Variants in ANKS1B observed in about 807,000 individuals in gnomAD.
ANKS1B encodes ankyrin repeat and sterile alpha motif domain containing 1B, also known as ankyrin repeat and sterile alpha motif domain-containing protein 1B.
A neutral mutation model predicts 148.3 loss-of-function variants in ANKS1B; 36 were observed. The observed-to-expected ratio is 0.24, with a 90% CI of 0.19 to 0.32. The LOEUF (loss-of-function observed/expected upper bound fraction) is 0.32. Ranked by LOEUF, ANKS1B falls within the 10% of genes least tolerant of loss-of-function variation. The pLI is 1.00. For synonymous variants in ANKS1B, 542 were observed against 560.8 expected, an observed-to-expected ratio of 0.97 and a Z score of 0.47; for missense variants, 1,157 against 1,542.6, an observed-to-expected ratio of 0.75 and a Z score of 4.19.
chr12:99,352,992 A>G (rs2091591429), intron 12 of ANKS1B, among the ~76,000 whole-genome samples: 1 of 152,028 alleles, frequency 6.6e-6, no homozygotes, highest in South Asian at 2.1e-4. Flanking sequence ...TTCAAATTGT[A>G]ATTAGACTCT....
At chr12:99,059,804 T>TATATATATATATATATATGA (rs1166735066) in intron 16 of ANKS1B, among the ~76,000 whole-genome samples, 19 of 146,774 alleles carry the variant, frequency 1.3e-4, no homozygotes, top group African/African-American at 4.3e-4. Context: ...TATATATATA[T>TATATATATATATATATATGA]ATGATAGGAC....
chr12:99,551,524 AGAGGAGAGGGGAGGG>A (rs1385642868), intron 9 of ANKS1B, among the ~76,000 whole-genome samples: 11 of 80,722 alleles, frequency 1.4e-4, no homozygotes, highest in African/African-American at 4.6e-4. Context: ...GAAGGAAAGG[AGAGGAGAGGGGAGGG>A]GAGGGGAGGG....
intron 4 of ANKS1B, among the ~76,000 whole-genome samples, chr12:99,798,451 TAAC>T (rs2066531405): frequency 6.9e-6 from 1 of 144,942 alleles, no homozygotes; most frequent in South Asian, 2.2e-4. Flanking sequence ...AAACAAAAGA[TAAC>T]AACTCAACTT....
At chr12:99,660,653 G>A (rs760155679) in intron 8 of ANKS1B, among the ~76,000 whole-genome samples, 9 of 152,078 alleles carry the variant, frequency 5.9e-5, no homozygotes, top group Non-Finnish European at 1.0e-4. Flanking sequence ...ATGGGCCACC[G>A]TGCCTGGCCT....
intron 17 of ANKS1B, among the ~76,000 whole-genome samples, chr12:99,040,705 T>G (rs1182008684): frequency 6.6e-6 from 1 of 152,190 alleles, no homozygotes. Context: ...GGATATATGA[T>G]GTATATATGA....
At chr12:99,721,470 T>C (rs923862383) in intron 8 of ANKS1B, among the ~76,000 whole-genome samples, 4 of 152,128 alleles carry the variant, frequency 2.6e-5, no homozygotes, top group Admixed American at 1.3e-4. Flanking sequence ...ACTGATGACA[T>C]TGTCTTGTGA....
chr12:99,009,010 A>G (rs1190171498), intron 17 of ANKS1B, among the ~76,000 whole-genome samples: 1 of 152,196 alleles, frequency 6.6e-6, no homozygotes, highest in Non-Finnish European at 1.5e-5. Flanking sequence ...ATGGGCTAGG[A>G]ATACCATTAG....
intron 9 of ANKS1B, among the ~76,000 whole-genome samples, chr12:99,609,897 T>C (rs1010254876): frequency 6.6e-5 from 10 of 152,102 alleles, no homozygotes; most frequent in African/African-American, 2.4e-4. Context: ...CCAGGCATTA[T>C]AGACAGAGAC....
intron 12 of ANKS1B, among the ~76,000 whole-genome samples, chr12:99,313,330 C>T (rs1229849203): frequency 6.6e-6 from 1 of 152,114 alleles, no homozygotes; most frequent in Non-Finnish European, 1.5e-5. Flanking sequence ...CTGAATTCTA[C>T]CAGAAGTACA....
chr12:99,532,798 G>A (rs750562804), intron 9 of ANKS1B, among the ~76,000 whole-genome samples: 1 of 152,158 alleles, frequency 6.6e-6, no homozygotes, highest in Non-Finnish European at 1.5e-5. Flanking sequence ...CCCAGTGCAT[G>A]TTTTTGTCTG....
Position 99,406,662 on chromosome 12 carries a change from T to C in ANKS1B, c.1576-6851A>G, listed in dbSNP as rs181237392. On this transcript the variant is annotated intron_variant, in intron 11 of 26. Transcript: ENST00000683438. ...CCCAAAGTTAGAAGAAAAGAAATAA[T>C]AAAGATCAGAGCAGAAATAGATAAA... Among the ~76,000 whole-genome samples, 76 of 144,636 alleles carry C rather than the reference T, an allele frequency of 5.3e-4. No homozygotes were observed. In the East Asian group the frequency reaches 0.013, roughly 24 times the overall value. The allele number at this position is 144,636 out of a possible 152,430, so 94.9% of individuals were successfully genotyped here. A position where few individuals can be genotyped will look rare whatever the true frequency, so the allele number is the denominator to read the frequency against.
intron 17 of ANKS1B, among the ~76,000 whole-genome samples, chr12:99,004,705 A>T (rs1331401316): frequency 6.6e-6 from 1 of 152,108 alleles, no homozygotes; most frequent in Non-Finnish European, 1.5e-5. Flanking sequence ...TCCCATGGTG[A>T]ATGGTCAATG....
intron 10 of ANKS1B, among the ~76,000 whole-genome samples, chr12:99,498,771 C>G: frequency 6.6e-6 from 1 of 152,084 alleles, no homozygotes; most frequent in East Asian, 1.9e-4. Flanking sequence ...CTCTAAAAGA[C>G]TCGTGTGCAT....
At chr12:99,752,853 C>T (rs1282246418) in intron 8 of ANKS1B, among the ~76,000 whole-genome samples, 1 of 151,906 alleles carries the variant, frequency 6.6e-6, no homozygotes, top group Non-Finnish European at 1.5e-5. Context: ...AATTGCTTAG[C>T]TTTTATATTT....
chr12:99,720,369 G>T (rs1297971415), intron 8 of ANKS1B, among the ~76,000 whole-genome samples: 1 of 152,184 alleles, frequency 6.6e-6, no homozygotes, highest in South Asian at 2.1e-4. Flanking sequence ...GGCCACCGCA[G>T]TCATTTCTTT....
chr12:99,384,937 TTAAA>T (rs1335590066), intron 12 of ANKS1B, among the ~76,000 whole-genome samples: 1 of 152,228 alleles, frequency 6.6e-6, no homozygotes, highest in Non-Finnish European at 1.5e-5. Context: ...GGAATATTTG[TTAAA>T]TGAATGAATG....
chr12:99,392,725 T>C (rs2094116495), intron 12 of ANKS1B, among the ~76,000 whole-genome samples: 1 of 152,188 alleles, frequency 6.6e-6, no homozygotes, highest in South Asian at 2.1e-4. Flanking sequence ...TATCCAGAGT[T>C]CAGAACTCAT....
intron 10 of ANKS1B, among the ~76,000 whole-genome samples, chr12:99,475,290 G>A (rs1233218484): frequency 6.7e-6 from 1 of 148,352 alleles, no homozygotes; most frequent in African/African-American, 2.5e-5. Flanking sequence ...AAGTTTTAAA[G>A]TAAAATATAT....
At position 99,548,922 on chromosome 12, in the gene ANKS1B, A is replaced by T. The variant is rs1000415595; in HGVS notation, c.1273-44281T>A. ...TAGGGAACAAGATTGCCTACCCAGA[A>T]TTATGAAACCAAAATAGATAATTAC... is the stretch of plus-strand genomic sequence containing the variant. On this transcript the variant is annotated intron_variant, in intron 9 of 26. Transcript: ENST00000683438. Among the ~76,000 whole-genome samples, 10 of 151,944 alleles carry T rather than the reference A, an allele frequency of 6.6e-5. No individual in the cohort carries two copies. The South Asian group carries it at 2.1e-3, about 32-fold the overall frequency.
Sources: allele counts gnomAD v4.1 joint callset (sites outside exome capture counted in the v4.1 genomes callset), GRCh38; gene constraint gnomAD v4.1.1; transcripts MANE v1.5; gene names NCBI Gene and HGNC (gene_info 2026-07-23, HGNC 2026-07-21).